TMOD2: variants seen among roughly 807,000 people sequenced by gnomAD.
TMOD2 encodes tropomodulin-2.
A neutral mutation model predicts 39.9 loss-of-function variants in TMOD2; 22 were observed. That is an observed-to-expected ratio of 0.55 (90% CI 0.39 to 0.79). TMOD2 has a LOEUF of 0.79. Ranked by LOEUF, TMOD2 falls within the 30% of genes least tolerant of loss-of-function variation. TMOD2 has a pLI of 0.00. For missense variants in TMOD2, 386 were observed against 413.3 expected, an observed-to-expected ratio of 0.93 and a Z score of 0.57; for synonymous variants, 123 against 146.1, an observed-to-expected ratio of 0.84 and a Z score of 1.14.
At chr15:51,776,797 C>G (rs1567239274) in intron 4 of TMOD2, 135 bp from the exon 5 acceptor site, 2 of 684,866 alleles carry the variant, frequency 2.9e-6, no homozygotes, top group Non-Finnish European at 5.2e-6. Flanking sequence ...ACATGTACCA[C>G]ACACTGTGCA....
intron 2 of TMOD2, chr15:51,767,083 T>C (rs2055821393): frequency 6.6e-6 from 1 of 152,212 alleles, no homozygotes; most frequent in Admixed American, 6.5e-5. Flanking sequence ...TGGAGTGCCG[T>C]GGCAAGATCT....
At chr15:51,757,231 G>A (rs1471890239) in intron 1 of TMOD2, among the ~76,000 whole-genome samples, 1 of 151,840 alleles carries the variant, frequency 6.6e-6, no homozygotes, top group African/African-American at 2.4e-5. Context: ...GTGAAACCCC[G>A]TCTCTACTAA....
intron 3 of TMOD2, among the ~76,000 whole-genome samples, chr15:51,771,779 G>A (rs577290563): frequency 6.6e-6 from 1 of 152,312 alleles, no homozygotes; most frequent in South Asian, 2.1e-4. Flanking sequence ...TCTGAGATGA[G>A]CCCCAGTATT....
chr15:51,769,551 C>T (rs2055839242), intron 3 of TMOD2, among the ~76,000 whole-genome samples: 1 of 152,148 alleles, frequency 6.6e-6, no homozygotes, highest in African/African-American at 2.4e-5. Flanking sequence ...TTTTCCATGC[C>T]AGGATTGAGC....
chr15:51,758,503 G>A (rs966943035), intron 1 of TMOD2, among the ~76,000 whole-genome samples: 2 of 152,106 alleles, frequency 1.3e-5, no homozygotes, highest in African/African-American at 2.4e-5. Context: ...CTGGACCTGC[G>A]GGTTCATTTG....
At chr15:51,755,095 T>C (rs1595859236) in intron 1 of TMOD2, among the ~76,000 whole-genome samples, 2 of 152,342 alleles carry the variant, frequency 1.3e-5, no homozygotes, top group East Asian at 3.9e-4. Flanking sequence ...ACTTTCTTCC[T>C]ATAAATTCTC....
Position 51,812,413 on chromosome 15 carries a change from A to G in TMOD2, c.*3959A>G, listed in dbSNP as rs1366900779. 1 of 152,158 alleles carries G rather than the reference A, an allele frequency of 6.6e-6. No homozygotes were observed. Among genetic ancestry groups the G allele is most frequent in the Non-Finnish European group, 1.5e-5 (1 of 68,036 alleles). 9.4% of individuals were successfully genotyped at this position (152,158 alleles called of 1,614,324 possible). A position where few individuals can be genotyped will look rare whatever the true frequency, so the allele number is the denominator to read the frequency against. On this transcript the variant is annotated 3_prime_UTR_variant, in exon 10 of 10. Coordinates refer to ENST00000249700, the MANE Select transcript of TMOD2 (RefSeq NM_014548.4). The stretch of plus-strand genomic sequence containing the variant: ...CTCAAACTGAAAATTCTTAAAACCA[A>G]TATTAAGCATCAGCATGCTTTAAGT...
chr15:51,771,931 C>T (rs908955375), intron 3 of TMOD2, among the ~76,000 whole-genome samples: 8 of 152,140 alleles, frequency 5.3e-5, no homozygotes, highest in African/African-American at 1.9e-4. Context: ...GGATGCATGT[C>T]AGTGATAATG....
Position 51,808,401 on chromosome 15 carries a change from T to C in TMOD2, c.1022-19T>C. 1 of 1,607,984 alleles carries C rather than the reference T, an allele frequency of 6.2e-7. No homozygotes were observed. Among genetic ancestry groups the C allele is most frequent in the Non-Finnish European group, 8.5e-7 (1 of 1,176,608 alleles). ...ATATCCCTTCAATTTGTCTTTTTGT[T>C]CCTTTCTTTCTTACCTAGTTCGTAA... On this transcript the variant is annotated intron_variant, in intron 9 of 9. Transcript: ENST00000249700.
intron 4 of TMOD2, among the ~76,000 whole-genome samples, chr15:51,775,212 G>A (rs1412225667): frequency 6.6e-6 from 1 of 152,200 alleles, no homozygotes; most frequent in African/African-American, 2.4e-5. Flanking sequence ...GGGAGTGGTA[G>A]TTGACCTGCA....
chr15:51,766,082 C>T (rs1206435191), intron 1 of TMOD2, among the ~76,000 whole-genome samples: 3 of 152,166 alleles, frequency 2.0e-5, no homozygotes, highest in South Asian at 2.1e-4. Context: ...TCTGTGACCT[C>T]GAGCAAGGCA....
intron 5 of TMOD2, among the ~76,000 whole-genome samples, chr15:51,779,547 AT>A (rs1361479052): frequency 2.6e-5 from 4 of 151,930 alleles, no homozygotes; most frequent in East Asian, 1.9e-4. Context: ...CGCCCGGCTA[AT>A]TTTTTTGTGT....
At chr15:51,753,033 G>A (rs1214024969) in intron 1 of TMOD2, 1 of 152,224 alleles carries the variant, frequency 6.6e-6, no homozygotes, top group Non-Finnish European at 1.5e-5. Flanking sequence ...GTCAAATGTG[G>A]TCAGCATGGA....
Position 51,766,571 on chromosome 15 carries a change from A to G in TMOD2, c.126+4A>G. The G allele has an allele frequency of 6.2e-7, 1 of 1,613,700 alleles. No individual in the cohort carries two copies. The highest frequency in any genetic ancestry group is 8.5e-7 in the Non-Finnish European group (1 of 1,179,774). The stretch of plus-strand genomic sequence containing the variant: ...TCTAGATGACCTAGATCCTGAGGTT[A>G]GTGACATGGAACTGAAGCAGAGTGG... On this transcript the variant is annotated splice_donor_region_variant and intron_variant, in intron 2 of 9. Coordinates refer to ENST00000249700, the MANE Select transcript of TMOD2 (RefSeq NM_014548.4).
intron 3 of TMOD2, among the ~76,000 whole-genome samples, chr15:51,770,814 A>G (rs1478479321): frequency 6.6e-6 from 1 of 152,204 alleles, no homozygotes; most frequent in Non-Finnish European, 1.5e-5. Context: ...CAAAAAAATA[A>G]TAAATAAATA....
intron 7 of TMOD2, chr15:51,783,794 A>ATAG (rs2055950046): frequency 7.2e-6 from 1 of 139,336 alleles, no homozygotes; most frequent in Admixed American, 7.1e-5. Context: ...TAGATAGATA[A>ATAG]AAGAAAAATA....
intron 7 of TMOD2, among the ~76,000 whole-genome samples, chr15:51,786,586 GAAGT>G (rs988777563): frequency 1.3e-5 from 2 of 152,314 alleles, no homozygotes; most frequent in Middle Eastern, 3.4e-3. Context: ...GAGACTCAAA[GAAGT>G]TGAATGCTGA....
intron 1 of TMOD2, among the ~76,000 whole-genome samples, chr15:51,761,731 A>G (rs2055782230): frequency 6.6e-6 from 1 of 152,154 alleles, no homozygotes; most frequent in Admixed American, 6.5e-5. Flanking sequence ...CTTTAAAAAA[A>G]AAAAAAAATT....
chr15:51,758,206 A>C (rs2055755854), intron 1 of TMOD2, among the ~76,000 whole-genome samples: 1 of 152,136 alleles, frequency 6.6e-6, no homozygotes, highest in South Asian at 2.1e-4. Flanking sequence ...CATTGACACA[A>C]CATAGGCAAT....
Sources: allele counts gnomAD v4.1 joint callset (sites outside exome capture counted in the v4.1 genomes callset), GRCh38; gene constraint gnomAD v4.1.1; transcripts MANE v1.5; gene names NCBI Gene and HGNC (gene_info 2026-07-23, HGNC 2026-07-21).